AK9: variants seen among roughly 807,000 people sequenced by gnomAD.
AK9 encodes adenylate kinase domain containing 1.
AK9 carries 191 observed loss-of-function variants against 239.6 expected under a neutral mutation model. The observed-to-expected ratio is 0.80, with a 90% CI of 0.71 to 0.90. AK9 has a LOEUF of 0.90. AK9 is among the 40% of genes least tolerant of loss of function. AK9 has a pLI of 0.00. For missense variants in AK9, 1,995 were observed against 2,214.7 expected (o/e 0.90, Z 1.99); for synonymous variants, 689 against 721.0 (o/e 0.96, Z 0.71).
intron 29 of AK9, chr6:109,528,144 A>G (rs1201332134): frequency 1.2e-5 from 3 of 248,698 alleles, no homozygotes; most frequent in African/African-American, 6.9e-5. Flanking sequence ...GTTTAACTGC[A>G]AAGCCTGGAC....
intron 8 of AK9, among the ~76,000 whole-genome samples, chr6:109,647,958 TG>T (rs1798314391): frequency 6.6e-6 from 1 of 151,986 alleles, no homozygotes; most frequent in Non-Finnish European, 1.5e-5. Context: ...CTCAACTACA[TG>T]GAAACTGAAC....
chr6:109,625,907 T>C (rs1045832136), intron 12 of AK9, among the ~76,000 whole-genome samples: 4 of 116,834 alleles, frequency 3.4e-5, no homozygotes, highest in Admixed American at 9.7e-5. Context: ...GTTGACAATA[T>C]CTTCAAGTAT....
chr6:109,540,813 C>A (rs1462612835), intron 27 of AK9, among the ~76,000 whole-genome samples: 2 of 152,154 alleles, frequency 1.3e-5, no homozygotes, highest in Admixed American at 6.5e-5. Flanking sequence ...ATTTCTTTGT[C>A]AATGACTTCC....
chr6:109,541,800 G>T (rs1300902311), intron 27 of AK9, among the ~76,000 whole-genome samples: 3 of 152,164 alleles, frequency 2.0e-5, no homozygotes, highest in Non-Finnish European at 4.4e-5. Flanking sequence ...TAACCTGAGG[G>T]TACTGAAAAA....
intron 17 of AK9, among the ~76,000 whole-genome samples, chr6:109,610,060 C>T (rs1221591815): frequency 6.6e-6 from 1 of 152,004 alleles, no homozygotes; most frequent in Non-Finnish European, 1.5e-5. Context: ...TACCTAGTAC[C>T]AATATGCATC....
chr6:109,654,715 G>C (rs1799448031), intron 8 of AK9, among the ~76,000 whole-genome samples: 1 of 152,184 alleles, frequency 6.6e-6, no homozygotes, highest in South Asian at 2.1e-4. Context: ...CACTCTTAAG[G>C]AAATGGATAC....
In AK9 at chr6:109,516,529, G is replaced by A. The variant is rs980246588; in HGVS notation, c.3747C>T (p.Gly1249=). 22 of 1,551,308 alleles carry A rather than the reference G, an allele frequency of 1.4e-5. No individual in the cohort carries two copies. Among genetic ancestry groups the A allele is most frequent in the African/African-American group, 2.7e-5 (2 of 72,948 alleles). ...EFPKDEEEMS[G]EEDEEQETDA... is the part of the protein sequence containing the mutation. ...CAGTTTCCTGTTCTTCATCTTCCTC[G>A]CCACTCATCTCTTCCTCATCTTTTG... Residue 1249 remains glycine (G), a synonymous_variant, in exon 30 of 41, where the codon GGC becomes GGT. Transcript: ENST00000424296.
intron 32 of AK9, among the ~76,000 whole-genome samples, chr6:109,513,812 A>G (rs1012863237): frequency 6.6e-6 from 1 of 152,188 alleles, no homozygotes; most frequent in Non-Finnish European, 1.5e-5. Context: ...TGTTTAAGAT[A>G]GATAGGATCT....
At chr6:109,603,121 G>T (rs1792286496) in intron 17 of AK9, among the ~76,000 whole-genome samples, 1 of 152,238 alleles carries the variant, frequency 6.6e-6, no homozygotes, top group East Asian at 1.9e-4. Flanking sequence ...GCAAGGAGCT[G>T]CATCCCTTTG....
At chr6:109,593,157 A>C (rs1381294548) in intron 17 of AK9, among the ~76,000 whole-genome samples, 1 of 151,974 alleles carries the variant, frequency 6.6e-6, no homozygotes, top group Non-Finnish European at 1.5e-5. Context: ...ATTGTTAAAG[A>C]TTTCAACTGT....
intron 10 of AK9, among the ~76,000 whole-genome samples, chr6:109,636,750 TCA>T (rs57475668): frequency 0.01 from 1,396 of 135,502 alleles, 21 homozygotes; most frequent in African/African-American, 0.034. Flanking sequence ...TAATATTCCA[TCA>T]CACACACACA....
At position 109,659,284 on chromosome 6, in the gene AK9, G is replaced by C. The variant is rs201431516; in HGVS notation, c.574C>G (p.Gln192Glu). ...TCCTCTTCTCCTTTTCCGTCCTTTT[G>C]GGCTTCTTTCTTCTTTTTCCTATGA... ...ENHRKKKKEA[Q>E]KDGKGEEEEE... Residue 192 changes from glutamine to glutamate, a missense_variant, in exon 7 of 41, where the codon CAA becomes GAA. Gln to Glu is a conservative substitution (Grantham distance 29). Transcript: ENST00000424296. The C allele has an allele frequency of 1.1e-4, 175 of 1,601,942 alleles. 2 individuals are homozygous for C. Among genetic ancestry groups the C allele is most frequent in the South Asian group, 5.7e-4 (51 of 89,096 alleles).
At chr6:109,616,210 C>G (rs1008323094) in intron 13 of AK9, among the ~76,000 whole-genome samples, 11 of 152,118 alleles carry the variant, frequency 7.2e-5, no homozygotes, top group African/African-American at 1.4e-4. Flanking sequence ...GATTAGCTCT[C>G]TGGAAAACCC....
chr6:109,509,397 T>A lies in AK9; in HGVS notation c.4280-17A>T, dbSNP rs144139731. 4,801 of 1,537,740 alleles carry A rather than the reference T, an allele frequency of 3.1e-3. 14 individuals carry two copies. Among genetic ancestry groups the A allele is most frequent in the Middle Eastern group, 0.015 (90 of 5,944 alleles). On this transcript the variant is annotated splice_polypyrimidine_tract_variant and intron_variant, in intron 32 of 40. Transcript: ENST00000424296. The stretch of plus-strand genomic sequence containing the variant: ...TTTTGGCAACTGAAAAACATAAAAC[T>A]TTTAAATTAAATTAAATGATTTAGA...
At chr6:109,565,007 A>G (rs531239301) in intron 21 of AK9, among the ~76,000 whole-genome samples, 162 bp from the exon 22 acceptor site, 1 of 152,338 alleles carries the variant, frequency 6.6e-6, no homozygotes, top group South Asian at 2.1e-4. Flanking sequence ...AAGAATACAT[A>G]ATAAAAAAGG....
At position 109,596,115 on chromosome 6, in the gene AK9, G is replaced by C. The variant is rs1790997481; in HGVS notation, c.1843-10043C>G. 3.3e-5 allele frequency among the ~76,000 whole-genome samples: 5 copies of C among 152,352 alleles called. No homozygotes were observed. In the South Asian group the frequency reaches 1.0e-3, roughly 32 times the overall value. ...AGGTGGCACTTGCAGATAAGAGCTA[G>C]CTGCAGCCAATGCAGATGGGTATAT... On this transcript the variant is annotated intron_variant, in intron 17 of 40. Coordinates refer to ENST00000424296, the MANE Select transcript of AK9 (RefSeq NM_001145128.3).
At chr6:109,656,215 C>T (rs1799685534) in intron 8 of AK9, among the ~76,000 whole-genome samples, 1 of 152,172 alleles carries the variant, frequency 6.6e-6, no homozygotes, top group African/African-American at 2.4e-5. Flanking sequence ...CTTTTCGCTA[C>T]TTGTAATCTC....
chr6:109,631,540 A>G (rs11153200), intron 12 of AK9, among the ~76,000 whole-genome samples: 88,258 of 151,762 alleles, frequency 0.58, 27,322 homozygotes, highest in East Asian at 0.84. Flanking sequence ...GTAAGAGTTG[A>G]CAGGAATGTG....
At chr6:109,531,641 T>C (rs538241481) in intron 28 of AK9, among the ~76,000 whole-genome samples, 40 of 152,322 alleles carry the variant, frequency 2.6e-4, no homozygotes, top group Non-Finnish European at 2.1e-4. Context: ...ATCTAGGACA[T>C]TTCTGTCATC....
Sources: allele counts gnomAD v4.1 joint callset (sites outside exome capture counted in the v4.1 genomes callset), GRCh38; gene constraint gnomAD v4.1.1; transcripts MANE v1.5; gene names NCBI Gene and HGNC (gene_info 2026-07-23, HGNC 2026-07-21).